Variants in DPP6 observed in about 807,000 individuals in gnomAD.
The protein encoded by DPP6 is A-type potassium channel modulatory protein DPP6.
A neutral mutation model predicts 122.6 loss-of-function variants in DPP6; 69 were observed. That is an observed-to-expected ratio of 0.56 (90% CI 0.46 to 0.69). DPP6 has a LOEUF of 0.69. Ranked by LOEUF, DPP6 falls within the 30% of genes least tolerant of loss-of-function variation. The probability of loss-of-function intolerance (pLI) is 0.00; values close to 1 mark genes in which losing one functional copy is unlikely to be tolerated. For missense variants in DPP6, 928 were observed against 1,116.9 expected (o/e 0.83, Z 2.41); for synonymous variants, 418 against 433.1 (o/e 0.97, Z 0.43).
chr7:154,036,307 C>T (rs796120528), intron 1 of DPP6, among the ~76,000 whole-genome samples: 3 of 56,062 alleles, frequency 5.4e-5, no homozygotes, highest in Admixed American at 1.7e-4. Flanking sequence ...GGGTTGGGGG[C>T]GGGGGGATTC....
At chr7:154,180,546 C>T (rs376108610) in intron 1 of DPP6, among the ~76,000 whole-genome samples, 10 of 133,494 alleles carry the variant, frequency 7.5e-5, no homozygotes, top group African/African-American at 2.0e-4. Flanking sequence ...TATATGTTTA[C>T]GTATATATTT....
At chr7:154,365,415 CAAAG>C (rs1812069869) in intron 1 of DPP6, among the ~76,000 whole-genome samples, 2 of 152,296 alleles carry the variant, frequency 1.3e-5, no homozygotes, top group South Asian at 2.1e-4. Flanking sequence ...AGCTGAGAAA[CAAAG>C]AACCGGAAGA....
intron 6 of DPP6, 69 bp from the exon 7 acceptor site, chr7:154,669,291 A>C: frequency 3.2e-6 from 5 of 1,551,058 alleles, no homozygotes; most frequent in Non-Finnish European, 4.4e-6. Context: ...TAGGGGATAA[A>C]ATTGCAGCAG....
At chr7:153,996,371 AG>A (rs1242104510) in intron 1 of DPP6, among the ~76,000 whole-genome samples, 1 of 152,184 alleles carries the variant, frequency 6.6e-6, no homozygotes, top group Non-Finnish European at 1.5e-5. Flanking sequence ...AGAAAGATGT[AG>A]GGACGGAGAA....
intron 5 of DPP6, among the ~76,000 whole-genome samples, chr7:154,593,179 G>A (rs1449660263): frequency 9.8e-5 from 15 of 152,288 alleles, no homozygotes; most frequent in Admixed American, 9.2e-4. Context: ...CCCTACCAAC[G>A]ACCGTATTTA....
intron 1 of DPP6, among the ~76,000 whole-genome samples, chr7:154,357,838 A>G (rs1811399543): frequency 6.6e-6 from 1 of 151,664 alleles, no homozygotes; most frequent in Admixed American, 6.6e-5. Flanking sequence ...ACTACTCGGG[A>G]GGCTGAGGCA....
intron 5 of DPP6, among the ~76,000 whole-genome samples, chr7:154,614,004 A>G (rs1217584844): frequency 6.6e-6 from 1 of 152,196 alleles, no homozygotes; most frequent in Non-Finnish European, 1.5e-5. Flanking sequence ...GTCTTCTTTT[A>G]ACATGGCCTC....
At chr7:154,411,096 T>C (rs1181226611) in intron 1 of DPP6, among the ~76,000 whole-genome samples, 1 of 152,230 alleles carries the variant, frequency 6.6e-6, no homozygotes, top group African/African-American at 2.4e-5. Flanking sequence ...CCACCTTTGC[T>C]TAAACCTAAG....
the DPP6 span, among the ~76,000 whole-genome samples, chr7:153,763,775 C>A: frequency 2.0e-4 from 31 of 152,282 alleles, no homozygotes; most frequent in South Asian, 6.4e-3. Context: ...GACTGCCCAA[C>A]GGGTCTCAGA....
chr7:153,848,371 C>G, the DPP6 span, among the ~76,000 whole-genome samples: 1 of 151,908 alleles, frequency 6.6e-6, no homozygotes, highest in Admixed American at 6.6e-5. Context: ...GATCAATTCC[C>G]TTACACTTCC....
Position 154,165,244 on chromosome 7 carries a change from A to G in DPP6, c.243+112181A>G, listed in dbSNP as rs1489506105. On this transcript the variant is annotated intron_variant, in intron 1 of 25. Coordinates refer to ENST00000377770, the MANE Select transcript of DPP6 (RefSeq NM_130797.4). ...ATTGTTCAATTCCCACCTATGAGTG[A>G]GAATATGCGGTGTTTGGTTTTTTGT... 6.2e-5 allele frequency among the ~76,000 whole-genome samples: 9 copies of G among 144,114 alleles called. No individual in the cohort carries two copies. The East Asian group carries it at 1.8e-3, about 29-fold the overall frequency. 94.5% of individuals were successfully genotyped at this position (144,114 alleles called of 152,430 possible). A position where few individuals can be genotyped will look rare whatever the true frequency, so the allele number is the denominator to read the frequency against.
At chr7:154,712,489 A>G (rs1161771849) in intron 7 of DPP6, among the ~76,000 whole-genome samples, 1 of 152,210 alleles carries the variant, frequency 6.6e-6, no homozygotes, top group African/African-American at 2.4e-5. Context: ...TCATGCTGCT[A>G]TGAAGAAATA....
chr7:154,795,011 G>T (rs879458412), intron 11 of DPP6, among the ~76,000 whole-genome samples: 1 of 152,136 alleles, frequency 6.6e-6, no homozygotes, highest in Non-Finnish European at 1.5e-5. Flanking sequence ...TAAGCACAGT[G>T]ATTGTTTCTA....
chr7:154,681,885 G>C (rs903804752), intron 7 of DPP6, among the ~76,000 whole-genome samples: 9 of 152,106 alleles, frequency 5.9e-5, no homozygotes, highest in African/African-American at 2.2e-4. Flanking sequence ...TTTTGCTTTT[G>C]AATAACTTTA....
intron 3 of DPP6, among the ~76,000 whole-genome samples, chr7:154,525,452 C>T (rs1232517681): frequency 6.6e-6 from 1 of 152,224 alleles, no homozygotes; most frequent in Non-Finnish European, 1.5e-5. Context: ...ACCACTGCAC[C>T]TGGTCTGAAT....
intron 1 of DPP6, among the ~76,000 whole-genome samples, chr7:154,294,641 C>T (rs1382436540): frequency 6.6e-6 from 1 of 152,198 alleles, no homozygotes; most frequent in Non-Finnish European, 1.5e-5. Flanking sequence ...GACTCCAATC[C>T]TGTTGCTAAA....
intron 1 of DPP6, among the ~76,000 whole-genome samples, chr7:154,360,951 G>A (rs1405705793): frequency 6.6e-6 from 1 of 152,152 alleles, no homozygotes. Flanking sequence ...TGAGTGTTGA[G>A]ATTCTGTATA....
At chr7:154,113,412 T>TATATATATACACACACACACACACAC (rs1472172445) in intron 1 of DPP6, among the ~76,000 whole-genome samples, 3 of 141,788 alleles carry the variant, frequency 2.1e-5, no homozygotes, top group African/African-American at 7.8e-5. Flanking sequence ...TATATATATA[T>TATATATATACACACACACACACACAC]ACACACACAC....
intron 1 of DPP6, among the ~76,000 whole-genome samples, chr7:154,349,988 A>G (rs10262279): frequency 0.071 from 10,794 of 152,286 alleles, 1,171 homozygotes; most frequent in African/African-American, 0.24. Context: ...GATGATGCCA[A>G]CTTGGGCATG....
Sources: allele counts gnomAD v4.1 joint callset (sites outside exome capture counted in the v4.1 genomes callset), GRCh38; gene constraint gnomAD v4.1.1; transcripts MANE v1.5; gene names NCBI Gene and HGNC (gene_info 2026-07-23, HGNC 2026-07-21).